Variants in PACRG observed in about 807,000 individuals in gnomAD.
PACRG encodes the protein parkin coregulated gene protein.
PACRG carries 29 observed loss-of-function variants against 29.7 expected under a neutral mutation model. The observed-to-expected ratio is 0.98, with a 90% CI of 0.73 to 1.33. The LOEUF (loss-of-function observed/expected upper bound fraction) is 1.33. PACRG is among the 40% of genes most tolerant of loss of function. PACRG has a pLI of 0.00. For synonymous variants in PACRG, 116 were observed against 118.7 expected, an observed-to-expected ratio of 0.98 and a Z score of 0.15; for missense variants, 279 against 316.2, an observed-to-expected ratio of 0.88 and a Z score of 0.89.
intron 2 of PACRG, among the ~76,000 whole-genome samples, chr6:162,995,155 A>C (rs1803869455): frequency 1.3e-5 from 2 of 150,242 alleles, no homozygotes; most frequent in Admixed American, 6.6e-5. Flanking sequence ...GCTGTCAGAC[A>C]GGGACATTTA....
At chr6:163,113,144 G>A (rs1041389648) in intron 4 of PACRG, among the ~76,000 whole-genome samples, 4 of 152,180 alleles carry the variant, frequency 2.6e-5, no homozygotes, top group Non-Finnish European at 2.9e-5. Flanking sequence ...TGTTAGAGTG[G>A]ACAGAAACAT....
intron 2 of PACRG, among the ~76,000 whole-genome samples, chr6:162,829,241 C>A (rs759668011): frequency 1.3e-5 from 2 of 152,216 alleles, no homozygotes; most frequent in Non-Finnish European, 2.9e-5. Context: ...CACACGAAAG[C>A]AAGCCCCAAA....
Position 163,252,273 on chromosome 6 carries a change from C to T in PACRG, c.614-62554C>T, listed in dbSNP as rs989907386. On this transcript the variant is annotated intron_variant, in intron 4 of 4. Transcript: ENST00000366888. ...CACCCACTGAATATTCCCCAAGCATCGCTGACGCTCGGCCAGGCGCCGGCC... is the reference window on the plus strand; with the variant it reads ...CACCCACTGAATATTCCCCAAGCATTGCTGACGCTCGGCCAGGCGCCGGCC... 2.6e-5 allele frequency among the ~76,000 whole-genome samples: 4 copies of T among 152,264 alleles called. No homozygotes were observed. The South Asian group carries it at 6.2e-4, about 24-fold the overall frequency.
chr6:162,835,780 C>CAATCT (rs1789173836), intron 2 of PACRG, among the ~76,000 whole-genome samples: 1 of 152,040 alleles, frequency 6.6e-6, no homozygotes, highest in Admixed American at 6.6e-5. Context: ...TTAGGTCTTA[C>CAATCT]AATCTACCAT....
intron 4 of PACRG, among the ~76,000 whole-genome samples, chr6:163,226,208 GA>G (rs1401947805): frequency 2.0e-5 from 3 of 152,222 alleles, no homozygotes; most frequent in Non-Finnish European, 4.4e-5. Flanking sequence ...CCTGGGGAAG[GA>G]AAGCGGATTG....
Position 163,087,297 on chromosome 6 carries a change from A to T in PACRG, c.464-1962A>T, listed in dbSNP as rs73593711. ...AGGCTGGAGACCAGGACCAGAGGAG[A>T]GGAGGTGAGGATGAAGACCAGGACC... On this transcript the variant is annotated intron_variant, in intron 3 of 4. Transcript: ENST00000366888. 3.5e-3 allele frequency among the ~76,000 whole-genome samples: 536 copies of T among 151,710 alleles called. 4 individuals are homozygous for T. Among genetic ancestry groups the T allele is most frequent in the African/African-American group, 0.013 (518 of 41,350 alleles).
At chr6:163,058,177 A>G (rs1193280473) in intron 2 of PACRG, among the ~76,000 whole-genome samples, 1 of 152,136 alleles carries the variant, frequency 6.6e-6, no homozygotes, top group Non-Finnish European at 1.5e-5. Flanking sequence ...AAGAAAAAGA[A>G]TTTTCTTGAC....
chr6:163,280,575 C>T (rs13201846), intron 4 of PACRG, among the ~76,000 whole-genome samples: 32,281 of 152,096 alleles, frequency 0.21, 4,061 homozygotes, highest in Admixed American at 0.31. Context: ...AGAGACTGAG[C>T]GGCTGGAACC....
chr6:162,807,648 T>C (rs535618771), intron 1 of PACRG, among the ~76,000 whole-genome samples: 17 of 152,134 alleles, frequency 1.1e-4, no homozygotes, highest in South Asian at 2.1e-4. Flanking sequence ...AATAGTAACA[T>C]TGAAGATTAC....
intron 4 of PACRG, among the ~76,000 whole-genome samples, chr6:163,089,818 A>T (rs1409786156): frequency 6.6e-6 from 1 of 152,218 alleles, no homozygotes; most frequent in East Asian, 1.9e-4. Context: ...ATTTTTAAGC[A>T]CTATTATTAA....
Position 162,916,300 on chromosome 6 carries a change from C to A in PACRG, c.291+102019C>A, listed in dbSNP as rs145932174. ...ATGGATGTAAGGTATTTTTTCCTAGCTGTTTTAAGTATTTCTTCTTTATTA... is the reference window on the plus strand; with the variant it reads ...ATGGATGTAAGGTATTTTTTCCTAGATGTTTTAAGTATTTCTTCTTTATTA... On this transcript the variant is annotated intron_variant, in intron 2 of 4. Transcript: ENST00000366888. Among the ~76,000 whole-genome samples the A allele has an allele frequency of 2.0e-3, 310 of 152,108 alleles. 1 individual carries two copies. Among genetic ancestry groups the A allele is most frequent in the African/African-American group, 7.0e-3 (290 of 41,510 alleles).
chr6:163,301,854 T>C (rs1308017954), intron 4 of PACRG, among the ~76,000 whole-genome samples: 1 of 152,192 alleles, frequency 6.6e-6, no homozygotes, highest in Non-Finnish European at 1.5e-5. Flanking sequence ...CTGGAACCTG[T>C]CCTTACAGAT....
At chr6:163,171,268 G>GAAA (rs72016054) in intron 4 of PACRG, among the ~76,000 whole-genome samples, 1 of 148,904 alleles carries the variant, frequency 6.7e-6, no homozygotes, top group African/African-American at 2.5e-5. Context: ...GAAAAGAAAA[G>GAAA]AAAAAAAAAA....
rs566189882 is a variant in PACRG, at chr6:162,802,245, A to G, written c.157-11902A>G. ...CTAAACCTAGTAACTTGTGAAAATTAAGTAGTCAATATATTTTTAATGAAT... is the reference window on the plus strand; with the variant it reads ...CTAAACCTAGTAACTTGTGAAAATTGAGTAGTCAATATATTTTTAATGAAT... On this transcript the variant is annotated intron_variant, in intron 1 of 4. Coordinates refer to ENST00000366888, the MANE Select transcript of PACRG (RefSeq NM_001080379.2). Among the ~76,000 whole-genome samples the G allele has an allele frequency of 2.4e-4, 37 of 152,316 alleles. 1 individual carries two copies. In the South Asian group the frequency reaches 5.0e-3, roughly 20 times the overall value.
At chr6:162,870,752 T>G (rs1257870432) in intron 2 of PACRG, among the ~76,000 whole-genome samples, 1 of 152,204 alleles carries the variant, frequency 6.6e-6, no homozygotes, top group Non-Finnish European at 1.5e-5. Flanking sequence ...ACTTTATGAG[T>G]GTTTCTTATG....
chr6:163,223,322 A>G (rs2128159960), intron 4 of PACRG, among the ~76,000 whole-genome samples: 1 of 152,320 alleles, frequency 6.6e-6, no homozygotes, highest in Non-Finnish European at 1.5e-5. Context: ...TGAACGTGGG[A>G]GGCAGAGGTT....
intron 1 of PACRG, among the ~76,000 whole-genome samples, chr6:162,788,596 C>G (rs919877063): frequency 2.0e-5 from 3 of 152,168 alleles, no homozygotes; most frequent in African/African-American, 7.2e-5. Flanking sequence ...AACTGTCTTC[C>G]AAAGTGATGG....
rs570440658 is a variant in PACRG, at chr6:162,860,129, T to G, written c.291+45848T>G. ...GACTAGTTTTTATACAGATATTTTC[T>G]TATTTTAACTAATTTATATCATCTA... On this transcript the variant is annotated intron_variant, in intron 2 of 4. Coordinates refer to ENST00000366888, the MANE Select transcript of PACRG (RefSeq NM_001080379.2). Among the ~76,000 whole-genome samples, 41 of 152,312 alleles carry G rather than the reference T, an allele frequency of 2.7e-4. 1 individual carries two copies. Among genetic ancestry groups the G allele is most frequent in the South Asian group, 2.5e-3 (12 of 4,824 alleles).
At chr6:162,889,318 C>G (rs1445651081) in intron 2 of PACRG, among the ~76,000 whole-genome samples, 2 of 152,138 alleles carry the variant, frequency 1.3e-5, no homozygotes, top group African/African-American at 4.8e-5. Context: ...TGCCACTAAT[C>G]AGGCTATGAT....
Sources: allele counts gnomAD v4.1 joint callset (sites outside exome capture counted in the v4.1 genomes callset), GRCh38; gene constraint gnomAD v4.1.1; transcripts MANE v1.5; gene names NCBI Gene and HGNC (gene_info 2026-07-23, HGNC 2026-07-21).